Variants in SLC1A2 observed in about 807,000 individuals in gnomAD.
The protein encoded by SLC1A2 is excitatory amino acid transporter 2.
Under a neutral mutation model 48.8 loss-of-function variants are expected in SLC1A2, and 15 were observed. The ratio of observed to expected loss-of-function variants is 0.31; its 90% CI spans 0.21 to 0.47. The LOEUF (loss-of-function observed/expected upper bound fraction) is 0.47, where lower values mean the gene tolerates loss of function less well. Among genes scored for constraint, SLC1A2 ranks in the 20% least tolerant of loss-of-function variants. The pLI is 0.99. For synonymous variants in SLC1A2, 279 were observed against 272.6 expected (o/e 1.02, Z -0.23); for missense variants, 502 against 730.5 (o/e 0.69, Z 3.61).
chr11:35,264,890 A>T (rs1788025048), intron 10 of SLC1A2: 1 of 150,872 alleles, frequency 6.6e-6, no homozygotes, highest in African/African-American at 2.4e-5. Context: ...GATGCTGGGG[A>T]TTTCTCTTGA....
At chr11:35,365,776 C>T (rs567764953) in intron 1 of SLC1A2, among the ~76,000 whole-genome samples, 9 of 152,308 alleles carry the variant, frequency 5.9e-5, no homozygotes, top group African/African-American at 1.9e-4. Context: ...GTGCACACCT[C>T]CATCGAGGCA....
intron 1 of SLC1A2, among the ~76,000 whole-genome samples, chr11:35,375,191 A>C (rs1016038415): frequency 2.0e-5 from 3 of 152,254 alleles, no homozygotes; most frequent in African/African-American, 7.2e-5. Context: ...AGTGCCCTGC[A>C]GAGAATAAAA....
chr11:35,305,322 G>C (rs184311432), intron 5 of SLC1A2, among the ~76,000 whole-genome samples: 1 of 152,180 alleles, frequency 6.6e-6, no homozygotes, highest in Admixed American at 6.5e-5. Flanking sequence ...ATGTGCTACT[G>C]TGCCCTATAT....
intron 5 of SLC1A2, among the ~76,000 whole-genome samples, chr11:35,302,437 C>T (rs925244045): frequency 6.6e-6 from 1 of 152,146 alleles, no homozygotes; most frequent in African/African-American, 2.4e-5. Flanking sequence ...TCTTCCTTTA[C>T]TTGACATTCT....
In SLC1A2 at chr11:35,306,061, C is replaced by T. The variant is rs1851494138; in HGVS notation, c.730+13G>A. ...GCCAGGGAAGCAGAATCCCGGACCA[C>T]CAGCTGGCCTACCTAAGACGTTCAT... is the stretch of plus-strand genomic sequence containing the variant. On this transcript the variant is annotated intron_variant, in intron 5 of 10. Transcript: ENST00000278379. 1 of 1,611,994 alleles carries T rather than the reference C, an allele frequency of 6.2e-7. No individual in the cohort carries two copies. The highest frequency in any genetic ancestry group is 1.1e-5 in the South Asian group (1 of 90,992).
chr11:35,265,493 T>C (rs771348409), intron 10 of SLC1A2, 34 bp downstream of exon 10: 1 of 1,102,158 alleles, frequency 9.1e-7, no homozygotes, highest in Non-Finnish European at 1.4e-6. Flanking sequence ...CACTACTATA[T>C]ACAAGTCTCG....
At chr11:35,278,263 GTTTTTTTTTGTT>G (rs1850507608) in intron 9 of SLC1A2, among the ~76,000 whole-genome samples, 1 of 103,826 alleles carries the variant, frequency 9.6e-6, no homozygotes, top group African/African-American at 3.6e-5. Flanking sequence ...TCTTACTTCT[GTTTTTTTTTGTT>G]TTTTTTTTTT....
At chr11:35,261,013 A>C in intron 10 of SLC1A2, 48 bp from the exon 11 acceptor site, 2 of 1,416,644 alleles carry the variant, frequency 1.4e-6, no homozygotes, top group South Asian at 2.3e-5. Context: ...ACGAACCAGA[A>C]AAAAGCCCTG....
chr11:35,380,724 G>C (rs1590251166), intron 1 of SLC1A2, among the ~76,000 whole-genome samples: 1 of 152,206 alleles, frequency 6.6e-6, no homozygotes. Context: ...CAGCGCTAAG[G>C]CAGTTTAAAG....
intron 1 of SLC1A2, among the ~76,000 whole-genome samples, chr11:35,401,108 G>A (rs1047186520): frequency 9.9e-5 from 15 of 152,192 alleles, no homozygotes; most frequent in Non-Finnish European, 1.9e-4. Context: ...GGGAGTGTCT[G>A]GGTTAAGATA....
intron 9 of SLC1A2, among the ~76,000 whole-genome samples, chr11:35,272,617 CAG>C (rs924312751): frequency 1.6e-4 from 24 of 152,340 alleles, no homozygotes; most frequent in African/African-American, 5.8e-4. Flanking sequence ...TCTTCACAGG[CAG>C]AGTTTCATTT....
At chr11:35,326,793 C>T (rs1214214265) in intron 1 of SLC1A2, among the ~76,000 whole-genome samples, 1 of 152,208 alleles carries the variant, frequency 6.6e-6, no homozygotes, top group Admixed American at 6.5e-5. Context: ...CCACTTCTGG[C>T]TCCCAGAGAC....
intron 9 of SLC1A2, among the ~76,000 whole-genome samples, chr11:35,278,467 C>G (rs944713630): frequency 6.6e-6 from 1 of 151,624 alleles, no homozygotes; most frequent in South Asian, 2.1e-4. Context: ...TTGGTAGAGA[C>G]GGGGTTTCTC....
intron 1 of SLC1A2, chr11:35,418,576 G>C (rs970811666): frequency 2.9e-5 from 6 of 205,346 alleles, no homozygotes; most frequent in Non-Finnish European, 1.9e-5. Context: ...AGCCCGCCTC[G>C]GGCCTGGGGC....
intron 1 of SLC1A2, among the ~76,000 whole-genome samples, chr11:35,355,837 AT>A: frequency 6.6e-6 from 1 of 151,466 alleles, no homozygotes; most frequent in Admixed American, 6.6e-5. Flanking sequence ...GTGAGTCAAG[AT>A]CATGCCACTG....
intron 1 of SLC1A2, among the ~76,000 whole-genome samples, chr11:35,398,556 A>G (rs1011448142): frequency 2.0e-5 from 3 of 152,224 alleles, no homozygotes; most frequent in Non-Finnish European, 4.4e-5. Flanking sequence ...ACTACGTATC[A>G]GGTACTATGC....
At chr11:35,417,126 C>A (rs994130692) in intron 1 of SLC1A2, among the ~76,000 whole-genome samples, 4 of 152,216 alleles carry the variant, frequency 2.6e-5, no homozygotes, top group African/African-American at 9.7e-5. Flanking sequence ...TTTTTCAATT[C>A]TTTCTTCTCT....
At chr11:35,341,014 G>C (rs981093020) in intron 1 of SLC1A2, among the ~76,000 whole-genome samples, 1 of 152,150 alleles carries the variant, frequency 6.6e-6, no homozygotes, top group Non-Finnish European at 1.5e-5. Flanking sequence ...TCTCCCAGAC[G>C]CCAGGAACTT....
chr11:35,278,489 G>A (rs1163276851), intron 9 of SLC1A2, among the ~76,000 whole-genome samples: 1 of 151,716 alleles, frequency 6.6e-6, no homozygotes, highest in Non-Finnish European at 1.5e-5. Context: ...ATGTTGTTCA[G>A]GCTGGTCTTG....
Sources: allele counts gnomAD v4.1 joint callset (sites outside exome capture counted in the v4.1 genomes callset), GRCh38; gene constraint gnomAD v4.1.1; transcripts MANE v1.5; gene names NCBI Gene and HGNC (gene_info 2026-07-23, HGNC 2026-07-21).